Variants in SH3GL3 observed in about 807,000 individuals in gnomAD.
SH3GL3 encodes the protein endophilin-A3.
In SH3GL3, 33 loss-of-function variants were observed where a neutral mutation model predicts 47.7. That is an observed-to-expected ratio of 0.69 (90% CI 0.52 to 0.92). The LOEUF is 0.92. Among genes scored for constraint, SH3GL3 ranks in the 40% least tolerant of loss-of-function variants. The pLI is 0.00. For synonymous variants in SH3GL3, 155 were observed against 148.8 expected (o/e 1.04, Z -0.30); for missense variants, 363 against 417.8 (o/e 0.87, Z 1.14).
downstream of SH3GL3, among the ~76,000 whole-genome samples, chr15:83,621,283 C>T (rs553536782): frequency 5.9e-5 from 9 of 152,338 alleles, no homozygotes; most frequent in East Asian, 1.7e-3. Flanking sequence ...AATAAGCCTC[C>T]CTCACTAAGC....
At chr15:83,456,179 G>A (rs1261098009) in intron 1 of SH3GL3, among the ~76,000 whole-genome samples, 3 of 61,756 alleles carry the variant, frequency 4.9e-5, no homozygotes, top group East Asian at 9.1e-4. Flanking sequence ...CAGATCTCCA[G>A]CTGCGTGCTG....
At chr15:83,546,173 G>A (rs1055481599) in intron 1 of SH3GL3, among the ~76,000 whole-genome samples, 2 of 151,768 alleles carry the variant, frequency 1.3e-5, no homozygotes, top group African/African-American at 4.8e-5. Flanking sequence ...AGGAGCTAGG[G>A]CCTGGAACTG....
At chr15:83,630,129 C>T in the SH3GL3 span, among the ~76,000 whole-genome samples, 1 of 152,186 alleles carries the variant, frequency 6.6e-6, no homozygotes, top group Non-Finnish European at 1.5e-5. Flanking sequence ...CATGACTTTG[C>T]TCCTGATTTG....
At chr15:83,490,755 C>G (rs1431972235) in intron 1 of SH3GL3, 39 of 1,601,776 alleles carry the variant, frequency 2.4e-5, no homozygotes, top group South Asian at 5.6e-5. Context: ...ATTACAGGAG[C>G]TTTTAAGTGA....
chr15:83,534,877 A>G (rs1268733005), intron 1 of SH3GL3, among the ~76,000 whole-genome samples: 5 of 152,210 alleles, frequency 3.3e-5, no homozygotes, highest in Admixed American at 3.3e-4. Context: ...GGATGGTTGC[A>G]GAAAAGTATG....
At chr15:83,609,133 T>C in intron 8 of SH3GL3, 1 of 381,804 alleles carries the variant, frequency 2.6e-6, no homozygotes. Context: ...CGGATTCTCA[T>C]TGCTACCTCA....
At chr15:83,542,985 T>TC (rs2044235342) in intron 1 of SH3GL3, among the ~76,000 whole-genome samples, 1 of 151,884 alleles carries the variant, frequency 6.6e-6, no homozygotes, top group South Asian at 2.1e-4. Flanking sequence ...TACTTTTTTT[T>TC]CTTTATCATC....
At position 83,504,453 on chromosome 15, in the gene SH3GL3, G is replaced by A. The variant is rs145229669; in HGVS notation, c.46-54800G>A. 1.7e-3 allele frequency among the ~76,000 whole-genome samples: 264 copies of A among 152,316 alleles called. 1 individual carries two copies. The highest frequency in any genetic ancestry group is 6.2e-3 in the African/African-American group (259 of 41,568). ...CCAATAGAATATACAGAAACAGTGC[G>A]ATGTTGTATTCCAGATTGGGTTATA... On this transcript the variant is annotated intron_variant, in intron 1 of 8. Transcript: ENST00000427482.
At chr15:83,553,776 A>G (rs1178632767) in intron 1 of SH3GL3, among the ~76,000 whole-genome samples, 2 of 152,072 alleles carry the variant, frequency 1.3e-5, no homozygotes, top group African/African-American at 2.4e-5. Context: ...CTGTGTTATT[A>G]TTGCTGAAGG....
chr15:83,541,310 C>CAATTTTTTTTTTTTTTTTTTTTTT (rs1567318555), intron 1 of SH3GL3, among the ~76,000 whole-genome samples: 4 of 47,750 alleles, frequency 8.4e-5, no homozygotes, highest in African/African-American at 2.6e-4. Context: ...TATGGTAATT[C>CAATTTTTTTTTTTTTTTTTTTTTT]TATTTTTTTT....
At chr15:83,568,219 G>A (rs1372782014) in intron 3 of SH3GL3, among the ~76,000 whole-genome samples, 2 of 152,040 alleles carry the variant, frequency 1.3e-5, no homozygotes, top group East Asian at 3.9e-4. Context: ...CCTGGCCTCA[G>A]GTGATCTGCC....
the SH3GL3 span, among the ~76,000 whole-genome samples, chr15:83,625,332 G>A: frequency 6.6e-5 from 10 of 152,224 alleles, no homozygotes; most frequent in Non-Finnish European, 8.8e-5. Context: ...TCTGAAGGCC[G>A]TGCTATTTCT....
chr15:83,555,568 T>G (rs572852094), intron 1 of SH3GL3, among the ~76,000 whole-genome samples: 2 of 152,312 alleles, frequency 1.3e-5, no homozygotes, highest in East Asian at 3.9e-4. Flanking sequence ...GCTATCTGGA[T>G]CCAGTCACAG....
downstream of SH3GL3, among the ~76,000 whole-genome samples, chr15:83,622,152 C>A (rs1256254513): frequency 2.0e-5 from 3 of 152,182 alleles, no homozygotes; most frequent in African/African-American, 4.8e-5. Flanking sequence ...CTGAGGCAGA[C>A]CTTATGCCCG....
chr15:83,567,701 A>AGT lies in SH3GL3; in HGVS notation c.188-814_188-813dup, dbSNP rs113075611. ...AGGCTCAATCAGTCCTTGGGAGCAG[A>AGT]GTGTGTGTGTGTGTGCGTGCGCGCG... is the stretch of plus-strand genomic sequence containing the variant. On this transcript the variant is annotated intron_variant, in intron 3 of 8. Coordinates refer to ENST00000427482, the MANE Select transcript of SH3GL3 (RefSeq NM_003027.5). 3.1e-3 allele frequency among the ~76,000 whole-genome samples: 465 copies of AGT among 151,532 alleles called. 2 individuals carry two copies. Among genetic ancestry groups the AGT allele is most frequent in the Middle Eastern group, 0.01 (3 of 292 alleles).
intron 8 of SH3GL3, among the ~76,000 whole-genome samples, chr15:83,611,970 A>G (rs549841802): frequency 6.1e-5 from 9 of 148,200 alleles, no homozygotes; most frequent in Non-Finnish European, 1.0e-4. Flanking sequence ...ATGTAGACCA[A>G]TGGCGGAAAC....
chr15:83,567,696 A>G (rs993709846), intron 3 of SH3GL3, among the ~76,000 whole-genome samples: 5 of 152,012 alleles, frequency 3.3e-5, no homozygotes, highest in East Asian at 1.9e-4. Flanking sequence ...AGTCCTTGGG[A>G]GCAGAGTGTG....
intron 1 of SH3GL3, among the ~76,000 whole-genome samples, chr15:83,473,773 T>A (rs2040959119): frequency 6.6e-6 from 1 of 151,688 alleles, no homozygotes; most frequent in Non-Finnish European, 1.5e-5. Context: ...GGTCTCGATC[T>A]CCTGACCTCG....
At chr15:83,469,158 C>T (rs748228703) in intron 1 of SH3GL3, among the ~76,000 whole-genome samples, 6 of 152,072 alleles carry the variant, frequency 3.9e-5, no homozygotes, top group Non-Finnish European at 8.8e-5. Context: ...TTGTTGTCTG[C>T]AGGGCTATAG....
Sources: gnomAD v4.1 joint callset for allele counts (sites outside exome capture counted in the v4.1 genomes callset) on GRCh38, gnomAD v4.1.1 for gene constraint, MANE v1.5 for transcripts, NCBI Gene and HGNC (gene_info 2026-07-23, HGNC 2026-07-21) for gene names.